Variants in PPP2R5C observed in about 807,000 individuals in gnomAD.
The protein encoded by PPP2R5C is serine/threonine-protein phosphatase 2A 56 kDa regulatory subunit gamma isoform.
PPP2R5C carries 7 observed loss-of-function variants against 68.9 expected under a neutral mutation model. The observed-to-expected ratio is 0.10, with a 90% CI of 0.06 to 0.19. PPP2R5C has a LOEUF of 0.19. PPP2R5C is among the 10% of genes least tolerant of loss of function. The pLI is 1.00. For synonymous variants in PPP2R5C, 210 were observed against 222.2 expected, an observed-to-expected ratio of 0.95 and a Z score of 0.49; for missense variants, 348 against 641.3, an observed-to-expected ratio of 0.54 and a Z score of 4.94.
At chr14:101,821,088 A>T (rs548995478) in intron 1 of PPP2R5C, 9 of 149,702 alleles carry the variant, frequency 6.0e-5, no homozygotes, top group Admixed American at 2.0e-4. Context: ...TCTCTAAAAA[A>T]AAAAATAAAA....
At chr14:101,822,889 A>G (rs1396890254) in intron 1 of PPP2R5C, among the ~76,000 whole-genome samples, 1 of 152,216 alleles carries the variant, frequency 6.6e-6, no homozygotes, top group African/African-American at 2.4e-5. Context: ...GATTGGAAAA[A>G]TATCTTTTGG....
At chr14:101,765,529 A>C (rs1202624359) in intron 2 of PPP2R5C, 10 of 355,002 alleles carry the variant, frequency 2.8e-5, no homozygotes, top group Non-Finnish European at 4.6e-5. Context: ...TAACCTGAAC[A>C]ATTTAAATAG....
intron 9 of PPP2R5C, among the ~76,000 whole-genome samples, chr14:101,904,159 T>C (rs1490495826): frequency 6.6e-6 from 1 of 152,144 alleles, no homozygotes; most frequent in Non-Finnish European, 1.5e-5. Flanking sequence ...GTTTTGTTTT[T>C]GGTTTGTTTT....
intron 9 of PPP2R5C, among the ~76,000 whole-genome samples, chr14:101,904,204 C>T (rs2045889165): frequency 6.6e-6 from 1 of 152,118 alleles, no homozygotes; most frequent in Non-Finnish European, 1.5e-5. Flanking sequence ...GTTGCCCAAG[C>T]TAGAGTGCAA....
intron 1 of PPP2R5C, 133 bp downstream of exon 1, chr14:101,762,053 G>A: frequency 1.0e-6 from 1 of 960,606 alleles, no homozygotes; most frequent in Non-Finnish European, 1.3e-6. Flanking sequence ...GCGTCCCCGA[G>A]GGCGGCCGAG....
intron 2 of PPP2R5C, among the ~76,000 whole-genome samples, chr14:101,773,933 G>A (rs2037281966): frequency 6.6e-6 from 1 of 152,182 alleles, no homozygotes; most frequent in African/African-American, 2.4e-5. Context: ...GGCCTCAAGC[G>A]ATCCTCCTAC....
exon 14 of PPP2R5C, chr14:101,925,471 C>A (rs2047249814): frequency 1.1e-6 from 1 of 887,666 alleles, no homozygotes; most frequent in African/African-American, 1.7e-5. Context: ...CTGGCAGAGC[C>A]GCGGGTTGAC....
At position 101,906,646 on chromosome 14, in the gene PPP2R5C, C is replaced by A; in HGVS notation, c.1151+117C>A. 1 of 1,359,002 alleles carries A rather than the reference C, an allele frequency of 7.4e-7. No homozygotes were observed. 84.2% of individuals were successfully genotyped at this position (1,359,002 alleles called of 1,614,324 possible). ...AATATCAATTAAAAAACAAGAAGGT[C>A]AGTTGCTTTGTGGACTCATAAATTA... On this transcript the variant is annotated intron_variant, in intron 10 of 13. Coordinates refer to ENST00000334743, the Ensembl canonical transcript of PPP2R5C. This position sits in a 1 kb window ranked among gnomAD's most constrained non-coding sequence, Gnocchi z 4.0.
chr14:101,921,139 C>A, intron 13 of PPP2R5C: 1 of 214,754 alleles, frequency 4.7e-6, no homozygotes, highest in Non-Finnish European at 9.2e-6. Context: ...ACAATCTTGG[C>A]TCACTGCAGC....
chr14:101,869,732 G>T (rs534977889), intron 2 of PPP2R5C, among the ~76,000 whole-genome samples: 2 of 152,244 alleles, frequency 1.3e-5, no homozygotes, highest in East Asian at 3.9e-4. Flanking sequence ...ATGGCTCACT[G>T]CAGCCTCCAC....
At chr14:101,771,867 C>T (rs1045718856) in intron 2 of PPP2R5C, among the ~76,000 whole-genome samples, 1 of 152,068 alleles carries the variant, frequency 6.6e-6, no homozygotes, top group Admixed American at 6.5e-5. Flanking sequence ...TTAGACCTGC[C>T]CTGGCCAAGA....
At chr14:101,829,704 A>G (rs993431280) in intron 1 of PPP2R5C, among the ~76,000 whole-genome samples, 11 of 152,130 alleles carry the variant, frequency 7.2e-5, no homozygotes, top group African/African-American at 1.9e-4. Context: ...TTTTCCATGC[A>G]TGGACCCTGA....
chr14:101,924,443 A>ATTTTTTTTTTTTTTTTT (rs2047175999), intron 13 of PPP2R5C, among the ~76,000 whole-genome samples: 6 of 56,854 alleles, frequency 1.1e-4, no homozygotes, highest in Admixed American at 1.6e-4. Context: ...AAATTTCTAC[A>ATTTTTTTTTTTTTTTTT]TCTTTTTTTT....
intron 1 of PPP2R5C, among the ~76,000 whole-genome samples, chr14:101,852,380 T>C (rs1412316460): frequency 6.6e-6 from 1 of 152,186 alleles, no homozygotes; most frequent in Non-Finnish European, 1.5e-5. Context: ...TCTCTATTTA[T>C]CACTGATTAA....
chr14:101,881,703 A>G (rs1350912500), intron 2 of PPP2R5C, among the ~76,000 whole-genome samples: 1 of 152,176 alleles, frequency 6.6e-6, no homozygotes, highest in East Asian at 1.9e-4. Context: ...TGTTGGTGCC[A>G]TTGTCACACG....
chr14:101,868,017 G>T (rs2043189363), intron 2 of PPP2R5C, among the ~76,000 whole-genome samples: 1 of 152,150 alleles, frequency 6.6e-6, no homozygotes, highest in East Asian at 1.9e-4. Context: ...CCCCAGATGG[G>T]TGTCCTGTGC....
At chr14:101,777,282 T>C (rs1425630138) in intron 2 of PPP2R5C, among the ~76,000 whole-genome samples, 2 of 152,232 alleles carry the variant, frequency 1.3e-5, no homozygotes, top group African/African-American at 2.4e-5. Flanking sequence ...GATTTTTGTT[T>C]GAACACTTGT....
chr14:101,849,769 A>G (rs898028244), intron 1 of PPP2R5C, among the ~76,000 whole-genome samples: 1 of 152,264 alleles, frequency 6.6e-6, no homozygotes, highest in East Asian at 1.9e-4. Flanking sequence ...TCCCAACACA[A>G]CGTGTTGAAA....
intron 1 of PPP2R5C, among the ~76,000 whole-genome samples, chr14:101,844,545 G>T (rs1259680822): frequency 1.3e-5 from 2 of 152,128 alleles, no homozygotes; most frequent in Non-Finnish European, 2.9e-5. Context: ...GTCATCCCCG[G>T]GCTGGACGTC....
Sources: gnomAD v4.1 joint callset for allele counts (sites outside exome capture counted in the v4.1 genomes callset) on GRCh38, gnomAD v4.1.1 for gene constraint, Gnocchi (gnomAD v3.1) non-coding constraint, MANE v1.5 for transcripts, NCBI Gene and HGNC (gene_info 2026-07-23, HGNC 2026-07-21) for gene names.